Variants in LIPN observed in about 807,000 individuals in gnomAD.
LIPN encodes the protein lipase member N.
In LIPN, 32 loss-of-function variants were observed where a neutral mutation model predicts 43.7. The ratio of observed to expected loss-of-function variants is 0.73; its 90% CI spans 0.55 to 0.98. The LOEUF (loss-of-function observed/expected upper bound fraction) is 0.98, where lower values mean the gene tolerates loss of function less well. Among genes scored for constraint, LIPN ranks in the 50% least tolerant of loss-of-function variants. LIPN has a pLI of 0.00. For missense variants in LIPN, 505 were observed against 483.8 expected, an observed-to-expected ratio of 1.04 and a Z score of -0.41; for synonymous variants, 156 against 157.6, an observed-to-expected ratio of 0.99 and a Z score of 0.08.
upstream of LIPN, among the ~76,000 whole-genome samples, chr10:88,757,699 T>C (rs1842943910): frequency 6.6e-6 from 1 of 152,168 alleles, no homozygotes; most frequent in South Asian, 2.1e-4. Flanking sequence ...TTTCTTGTAG[T>C]AATTATGAAC....
intron 4 of LIPN, 133 bp downstream of exon 4, chr10:88,764,741 G>C: frequency 1.8e-6 from 1 of 570,908 alleles, no homozygotes; most frequent in Non-Finnish European, 2.9e-6. Flanking sequence ...GATCTCAAAG[G>C]AGGGTAACAG....
At chr10:88,764,680 A>G in intron 4 of LIPN, 72 bp downstream of exon 4, 1 of 1,097,424 alleles carries the variant, frequency 9.1e-7, no homozygotes, top group Non-Finnish European at 1.3e-6. Context: ...GACGCTATTA[A>G]TGATTATCTT....
chr10:88,767,546 G>A (rs914558843), intron 5 of LIPN, among the ~76,000 whole-genome samples: 12 of 150,480 alleles, frequency 8.0e-5, no homozygotes, highest in East Asian at 5.9e-4. Context: ...CCAATAGGGT[G>A]TGTAAGGATT....
intron 9 of LIPN, among the ~76,000 whole-genome samples, chr10:88,777,486 G>A (rs1011525276): frequency 4.0e-5 from 6 of 151,480 alleles, no homozygotes; most frequent in Admixed American, 6.6e-5. Context: ...ACAGACCTCC[G>A]AGAAATGACC....
At chr10:88,777,066 T>C (rs1267134778) in intron 9 of LIPN, among the ~76,000 whole-genome samples, 1 of 152,076 alleles carries the variant, frequency 6.6e-6, no homozygotes, top group Non-Finnish European at 1.5e-5. Context: ...TACAATGTAG[T>C]TTAGGTCTTC....
chr10:88,762,003 A>G (rs1010264540), intron 2 of LIPN, among the ~76,000 whole-genome samples, 185 bp from the exon 3 acceptor site: 1 of 152,112 alleles, frequency 6.6e-6, no homozygotes, highest in African/African-American at 2.4e-5. Flanking sequence ...AATATTAGCC[A>G]ATAGTAGATA....
chr10:88,766,920 G>T (rs1843111521), intron 5 of LIPN, among the ~76,000 whole-genome samples: 1 of 151,948 alleles, frequency 6.6e-6, no homozygotes, highest in South Asian at 2.1e-4. Context: ...GTGTGATTTA[G>T]TATTTATGAA....
chr10:88,768,008 G>A (rs954619879), intron 5 of LIPN, among the ~76,000 whole-genome samples: 7 of 130,516 alleles, frequency 5.4e-5, no homozygotes, highest in Admixed American at 1.7e-4. Context: ...TCCAACAAGT[G>A]TTTCAGTACA....
At chr10:88,758,845 G>C (rs1842958910), upstream of LIPN, among the ~76,000 whole-genome samples, 1 of 152,040 alleles carries the variant, frequency 6.6e-6, no homozygotes, top group South Asian at 2.1e-4. Context: ...GTAAAGATCT[G>C]TGAAATTGAA....
intron 9 of LIPN, 39 bp from the exon 10 acceptor site, chr10:88,777,970 A>G: frequency 1.5e-6 from 2 of 1,301,512 alleles, no homozygotes; most frequent in Non-Finnish European, 2.2e-6. Flanking sequence ...TGCTTTGAGG[A>G]GCTTCCTCTC....
chr10:88,768,056 A>G (rs1198467944), intron 5 of LIPN, among the ~76,000 whole-genome samples: 51 of 131,358 alleles, frequency 3.9e-4, no homozygotes, highest in Non-Finnish European at 1.5e-4. Context: ...ACACACACAC[A>G]CACACATGCC....
chr10:88,760,612 C>A (rs1490705191), intron 1 of LIPN, among the ~76,000 whole-genome samples: 1 of 152,094 alleles, frequency 6.6e-6, no homozygotes, highest in Non-Finnish European at 1.5e-5. Flanking sequence ...ACTTACACTG[C>A]ACTAAATGTT....
rs982739405 is a variant in LIPN, at chr10:88,771,137, T to C, written c.819+146T>C. On this transcript the variant is annotated intron_variant, in intron 7 of 9. Transcript: ENST00000404459. ...ATTTTTTTTTGCTTTTAAAAATGTTTATGGGTATATAATAGTTGTACATAT... is the reference window on the plus strand; with the variant it reads ...ATTTTTTTTTGCTTTTAAAAATGTTCATGGGTATATAATAGTTGTACATAT... 7 of 615,678 alleles carry C rather than the reference T, an allele frequency of 1.1e-5. No homozygotes were observed. The African/African-American group carries it at 1.3e-4, about 11-fold the overall frequency. The allele number at this position is 615,678 out of a possible 1,614,324, so 38.1% of individuals were successfully genotyped here.
In LIPN at chr10:88,778,726, T is replaced by C. The variant is rs1183837629; in HGVS notation, c.*484T>C. 1.3e-5 allele frequency among the ~76,000 whole-genome samples: 2 copies of C among 152,200 alleles called. No homozygotes were observed. Among genetic ancestry groups the C allele is most frequent in the Non-Finnish European group, 2.9e-5 (2 of 68,026 alleles). ...AGATGTATAGACATTTTTACTTTTTTAGGTATTTTCAACATCAGAAATTCA... is the reference window on the plus strand; with the variant it reads ...AGATGTATAGACATTTTTACTTTTTCAGGTATTTTCAACATCAGAAATTCA... On this transcript the variant is annotated 3_prime_UTR_variant, in exon 10 of 10. Transcript: ENST00000404459.
At position 88,775,073 on chromosome 10, in the gene LIPN, T is replaced by TA. The variant is rs1331736957; in HGVS notation, c.892-13dup. ...ATTCTTACCCTAACTATTCTTTTTC[T>TA]AAAAAACATTTGTTTCAGCTTTACC... On this transcript the variant is annotated intron_variant, in intron 8 of 9. Transcript: ENST00000404459. 6.6e-7 allele frequency: 1 copy of TA among 1,509,284 alleles called. No individual in the cohort carries two copies. Among genetic ancestry groups the TA allele is most frequent in the African/African-American group, 1.4e-5 (1 of 71,764 alleles). The allele number at this position is 1,509,284 out of a possible 1,614,324, so 93.5% of individuals were successfully genotyped here. A position where few individuals can be genotyped will look rare whatever the true frequency, so the allele number is the denominator to read the frequency against.
At chr10:88,766,951 CTA>C (rs1425685748) in intron 5 of LIPN, among the ~76,000 whole-genome samples, 1 of 151,848 alleles carries the variant, frequency 6.6e-6, no homozygotes, top group African/African-American at 2.4e-5. Flanking sequence ...AATGTAAGCA[CTA>C]TGTAGAAATT....
intron 6 of LIPN, 131 bp from the exon 7 acceptor site, chr10:88,770,714 T>C: frequency 3.7e-6 from 2 of 536,774 alleles, no homozygotes; most frequent in Non-Finnish European, 6.5e-6. Context: ...GCTATTGCTA[T>C]TTGGGCTTGT....
Position 88,768,948 on chromosome 10 carries a change from A to G in LIPN, c.672+20A>G. The stretch of plus-strand genomic sequence containing the variant: ...ATCAAGGTAGGCTCCTTTCAACAAA[A>G]TGTACCTGAGGATCTCATTTTGGAT... On this transcript the variant is annotated intron_variant, in intron 6 of 9. Coordinates refer to ENST00000404459, the MANE Select transcript of LIPN (RefSeq NM_001102469.2). 1.2e-6 allele frequency: 2 copies of G among 1,606,576 alleles called. No individual in the cohort carries two copies. The highest frequency in any genetic ancestry group is 1.7e-6 in the Non-Finnish European group (2 of 1,174,616).
Position 88,778,217 on chromosome 10 carries a change from T to C in LIPN, c.1172T>C (p.Ile391Thr), listed in dbSNP as rs779669542. 4.3e-6 allele frequency: 7 copies of C among 1,610,652 alleles called. No homozygotes were observed. The Admixed American group carries it at 1.0e-4, about 23-fold the overall frequency. The part of the protein sequence containing the change: ...DAPQRMYSEI[I>T]ALMKAYS The stretch of plus-strand genomic sequence containing the variant: ...CCTCAACGGATGTACAGTGAAATCA[T>C]AGCTTTAATGAAGGCATATTCCTAA... Residue 391 changes from isoleucine (I) to threonine (T), a missense_variant, in exon 10 of 10, where the codon ATA (isoleucine) becomes ACA (threonine). Transcript: ENST00000404459.
Sources: gnomAD v4.1 joint callset for allele counts (sites outside exome capture counted in the v4.1 genomes callset) on GRCh38, gnomAD v4.1.1 for gene constraint, MANE v1.5 for transcripts, NCBI Gene and HGNC (gene_info 2026-07-23, HGNC 2026-07-21) for gene names.